FRMD4A: variants seen among roughly 807,000 people sequenced by gnomAD.
FRMD4A encodes FERM domain containing 4A, also known as FERM domain-containing protein 4A.
Under a neutral mutation model 129.1 loss-of-function variants are expected in FRMD4A, and 29 were observed. The observed-to-expected ratio is 0.22, with a 90% CI of 0.17 to 0.31. FRMD4A has a LOEUF of 0.31. Ranked by LOEUF, FRMD4A falls within the 10% of genes least tolerant of loss-of-function variation. The probability of loss-of-function intolerance (pLI) is 1.00; values close to 1 mark genes in which losing one functional copy is unlikely to be tolerated. For synonymous variants in FRMD4A, 634 were observed against 571.6 expected, an observed-to-expected ratio of 1.11 and a Z score of -1.56; for missense variants, 1,272 against 1,375.8, an observed-to-expected ratio of 0.92 and a Z score of 1.19.
At chr10:13,935,123 G>A (rs893761379) in intron 2 of FRMD4A, among the ~76,000 whole-genome samples, 1 of 152,192 alleles carries the variant, frequency 6.6e-6, no homozygotes, top group Non-Finnish European at 1.5e-5. Context: ...CAAGATTAGA[G>A]CAGCAGTCCT....
At chr10:14,081,538 T>C (rs963166787) in intron 2 of FRMD4A, among the ~76,000 whole-genome samples, 9 of 152,208 alleles carry the variant, frequency 5.9e-5, no homozygotes, top group African/African-American at 1.7e-4. Flanking sequence ...CAGTCCTGCA[T>C]ACCTCATAGG....
At chr10:14,102,933 CA>C (rs1837384991) in intron 2 of FRMD4A, among the ~76,000 whole-genome samples, 1 of 152,142 alleles carries the variant, frequency 6.6e-6, no homozygotes, top group African/African-American at 2.4e-5. Context: ...TGATTACGTG[CA>C]TGGGAGGTTT....
At chr10:14,241,093 T>C (rs561311170) in intron 2 of FRMD4A, among the ~76,000 whole-genome samples, 2 of 152,328 alleles carry the variant, frequency 1.3e-5, no homozygotes, top group East Asian at 1.9e-4. Flanking sequence ...TCCATCTACA[T>C]AGGGTTCTGC....
intron 3 of FRMD4A, among the ~76,000 whole-genome samples, chr10:13,839,824 T>C: frequency 6.6e-6 from 1 of 152,184 alleles, no homozygotes; most frequent in East Asian, 1.9e-4. Context: ...AGCCGGCGTG[T>C]GCTGCCCCAG....
At chr10:14,118,295 C>T (rs76326229) in intron 2 of FRMD4A, among the ~76,000 whole-genome samples, 1,877 of 152,182 alleles carry the variant, frequency 0.012, 31 homozygotes, top group African/African-American at 0.042. Context: ...GAGAGAGAGC[C>T]GTTCTTGGTA....
At chr10:14,300,228 C>T (rs1257117786) in intron 2 of FRMD4A, among the ~76,000 whole-genome samples, 5 of 152,128 alleles carry the variant, frequency 3.3e-5, no homozygotes, top group African/African-American at 7.2e-5. Flanking sequence ...AGGTCTCTGA[C>T]CTCTGACGTT....
intron 2 of FRMD4A, among the ~76,000 whole-genome samples, chr10:13,900,858 C>G (rs1273680597): frequency 6.6e-6 from 1 of 152,120 alleles, no homozygotes; most frequent in African/African-American, 2.4e-5. Flanking sequence ...GATCACGCCA[C>G]TGTACTCCAG....
intron 3 of FRMD4A, among the ~76,000 whole-genome samples, chr10:13,846,743 A>G (rs192994720): frequency 6.6e-6 from 1 of 152,346 alleles, no homozygotes; most frequent in East Asian, 1.9e-4. Flanking sequence ...GCTCACAGTC[A>G]TATCATGGAG....
intron 2 of FRMD4A, among the ~76,000 whole-genome samples, chr10:13,888,961 T>C (rs2131155923): frequency 6.6e-6 from 1 of 152,358 alleles, no homozygotes; most frequent in Middle Eastern, 3.4e-3. Flanking sequence ...TATACTTTCA[T>C]TCAGTATGAT....
At chr10:14,175,926 C>A (rs1841708756) in intron 2 of FRMD4A, among the ~76,000 whole-genome samples, 1 of 152,216 alleles carries the variant, frequency 6.6e-6, no homozygotes, top group Admixed American at 6.5e-5. Context: ...AGAGTCTTAG[C>A]ATCCTGACAA....
intron 2 of FRMD4A, among the ~76,000 whole-genome samples, chr10:14,273,440 C>T (rs950304057): frequency 2.6e-5 from 4 of 152,080 alleles, no homozygotes; most frequent in African/African-American, 9.7e-5. Context: ...CTTCTTACAA[C>T]ATTGCAAAAA....
intron 3 of FRMD4A, among the ~76,000 whole-genome samples, chr10:13,848,629 T>C (rs2094093312): frequency 7.4e-6 from 1 of 134,526 alleles, no homozygotes; most frequent in East Asian, 2.0e-4. Context: ...TGTGTGTGTG[T>C]GTGTGTGTGT....
chr10:13,924,327 G>A (rs2095105807), intron 2 of FRMD4A, among the ~76,000 whole-genome samples: 1 of 152,000 alleles, frequency 6.6e-6, no homozygotes, highest in Non-Finnish European at 1.5e-5. Flanking sequence ...AAGCCAAAGT[G>A]CATGGGCCAG....
At chr10:14,115,645 G>A (rs1363771281) in intron 2 of FRMD4A, among the ~76,000 whole-genome samples, 3 of 152,174 alleles carry the variant, frequency 2.0e-5, no homozygotes, top group Non-Finnish European at 2.9e-5. Context: ...TAATGAGTGA[G>A]TTCTCGCTCT....
Position 14,057,711 on chromosome 10 carries a change from C to T in FRMD4A, c.46-198799G>A, listed in dbSNP as rs536254017. Among the ~76,000 whole-genome samples the T allele has an allele frequency of 3.9e-5, 6 of 152,260 alleles. No homozygotes were observed. In the East Asian group the frequency reaches 1.2e-3, roughly 29 times the overall value. Reference sequence around the variant, plus strand: ...TCAGCCTCCCAAGTAGCTGGGATTACAGGCAGGGGCCACCCTGCCCGGCTA... The same window carrying T: ...TCAGCCTCCCAAGTAGCTGGGATTATAGGCAGGGGCCACCCTGCCCGGCTA... On this transcript the variant is annotated intron_variant, in intron 2 of 24. Transcript: ENST00000357447.
chr10:13,887,338 T>TGAA (rs2094635356), intron 2 of FRMD4A, among the ~76,000 whole-genome samples: 1 of 152,214 alleles, frequency 6.6e-6, no homozygotes, highest in Admixed American at 6.5e-5. Flanking sequence ...AAGTGGAAGA[T>TGAA]GAACAATGTT....
intron 2 of FRMD4A, among the ~76,000 whole-genome samples, chr10:14,240,362 G>T (rs911189845): frequency 1.3e-5 from 2 of 152,116 alleles, no homozygotes; most frequent in African/African-American, 4.8e-5. Flanking sequence ...CTATCATGTG[G>T]CATTCTCAGC....
chr10:14,127,972 TTCTTTCCTTCTCTC>T (rs1313431529), intron 2 of FRMD4A, among the ~76,000 whole-genome samples: 18 of 26,948 alleles, frequency 6.7e-4, no homozygotes, highest in African/African-American at 2.6e-3. Flanking sequence ...CTTTCTTTCT[TTCTTTCCTTCTCTC>T]TCTCTCTCTC....
chr10:14,267,863 T>G (rs1219264233), intron 2 of FRMD4A, among the ~76,000 whole-genome samples: 1 of 152,218 alleles, frequency 6.6e-6, no homozygotes, highest in Non-Finnish European at 1.5e-5. Flanking sequence ...TAGGATTGTT[T>G]TATAGGAAAT....
Sources: gnomAD v4.1 joint callset for allele counts (sites outside exome capture counted in the v4.1 genomes callset) on GRCh38, gnomAD v4.1.1 for gene constraint, MANE v1.5 for transcripts, NCBI Gene and HGNC (gene_info 2026-07-23, HGNC 2026-07-21) for gene names.